TIAM1: variants seen among roughly 807,000 people sequenced by gnomAD.
TIAM1 encodes the protein rho guanine nucleotide exchange factor TIAM1.
In TIAM1, 65 loss-of-function variants were observed where a neutral mutation model predicts 163.5. The observed-to-expected ratio is 0.40, with a 90% CI of 0.33 to 0.49. The LOEUF (loss-of-function observed/expected upper bound fraction) is 0.49. Ranked by LOEUF, TIAM1 falls within the 20% of genes least tolerant of loss-of-function variation. TIAM1 has a pLI of 0.77. For missense variants in TIAM1, 1,789 were observed against 2,044.7 expected, an observed-to-expected ratio of 0.87 and a Z score of 2.41; for synonymous variants, 833 against 810.1, an observed-to-expected ratio of 1.03 and a Z score of -0.48.
intron 4 of TIAM1, among the ~76,000 whole-genome samples, chr21:31,265,201 CTT>C (rs781091105): frequency 5.6e-3 from 619 of 109,904 alleles, no homozygotes; most frequent in East Asian, 0.021. Flanking sequence ...CTTTCAAAAT[CTT>C]TTTTTTTTTT....
intron 2 of TIAM1, among the ~76,000 whole-genome samples, chr21:31,420,285 CA>C (rs2043520317): frequency 6.6e-6 from 1 of 152,108 alleles, no homozygotes. Context: ...GCTCATAGCC[CA>C]GGACAGCCAC....
At chr21:31,419,578 A>G (rs2043493069) in intron 2 of TIAM1, among the ~76,000 whole-genome samples, 1 of 152,236 alleles carries the variant, frequency 6.6e-6, no homozygotes, top group Non-Finnish European at 1.5e-5. Flanking sequence ...AATAATATGC[A>G]TTAGATGCGT....
At chr21:31,131,018 TGTG>T in intron 23 of TIAM1, 70 bp from the exon 24 acceptor site, 1 of 1,348,446 alleles carries the variant, frequency 7.4e-7, no homozygotes, top group Non-Finnish European at 1.1e-6. Context: ...ATCACCAACT[TGTG>T]GTAATAAACA....
chr21:31,487,414 A>G (rs2046307495), intron 1 of TIAM1, among the ~76,000 whole-genome samples: 2 of 152,188 alleles, frequency 1.3e-5, no homozygotes, highest in African/African-American at 4.8e-5. Context: ...TCTGTCGCCC[A>G]GGCTGAAGTG....
intron 1 of TIAM1, among the ~76,000 whole-genome samples, chr21:31,530,873 T>C (rs1401228932): frequency 6.6e-6 from 1 of 151,908 alleles, no homozygotes; most frequent in Non-Finnish European, 1.5e-5. Context: ...CATTCCTGAG[T>C]AATAAATTTA....
At chr21:31,152,874 C>T in intron 18 of TIAM1, 113 bp from the exon 19 acceptor site, 1 of 1,455,632 alleles carries the variant, frequency 6.9e-7, no homozygotes, top group South Asian at 1.4e-5. Flanking sequence ...GAGAATAATC[C>T]CACTACCAGA....
chr21:31,265,603 C>T (rs2072712546), intron 4 of TIAM1, among the ~76,000 whole-genome samples: 2 of 152,002 alleles, frequency 1.3e-5, no homozygotes, highest in Admixed American at 6.6e-5. Context: ...AACCTCCTCC[C>T]ACCTGCTGCA....
At chr21:31,448,438 C>T (rs2147318450) in intron 2 of TIAM1, among the ~76,000 whole-genome samples, 1 of 152,122 alleles carries the variant, frequency 6.6e-6, no homozygotes, top group Admixed American at 6.5e-5. Context: ...AACCCCATCT[C>T]TATTAAAATA....
chr21:31,336,185 G>A (rs1214771292), intron 2 of TIAM1, among the ~76,000 whole-genome samples: 2 of 152,234 alleles, frequency 1.3e-5, no homozygotes, highest in African/African-American at 4.8e-5. Flanking sequence ...AAGACTCAGC[G>A]CACTGACTCT....
chr21:31,246,531 A>G (rs1441996533), intron 5 of TIAM1, among the ~76,000 whole-genome samples: 1 of 152,050 alleles, frequency 6.6e-6, no homozygotes, highest in Non-Finnish European at 1.5e-5. Context: ...CTCAACTTCA[A>G]CATAAGCTGT....
intron 2 of TIAM1, among the ~76,000 whole-genome samples, chr21:31,380,419 G>A (rs767162077): frequency 1.3e-5 from 2 of 152,030 alleles, no homozygotes; most frequent in African/African-American, 4.8e-5. Flanking sequence ...GGCACATGCC[G>A]GTAATCTCAG....
intron 1 of TIAM1, among the ~76,000 whole-genome samples, chr21:31,540,558 C>T (rs903915515): frequency 1.3e-5 from 2 of 152,284 alleles, no homozygotes; most frequent in Middle Eastern, 3.4e-3. Context: ...GGGCAACATA[C>T]GGGGACCCCC....
chr21:31,229,744 C>T (rs1418458213), intron 6 of TIAM1, among the ~76,000 whole-genome samples: 2 of 152,056 alleles, frequency 1.3e-5, no homozygotes, highest in Admixed American at 6.5e-5. Flanking sequence ...CCTCCGCCTC[C>T]CAAGTTCAAG....
At chr21:31,285,212 T>G (rs75234525) in intron 2 of TIAM1, among the ~76,000 whole-genome samples, 14,174 of 152,088 alleles carry the variant, frequency 0.093, 1,667 homozygotes, top group African/African-American at 0.28. Context: ...TCCCAACCCA[T>G]AGCTGCCTTC....
chr21:31,127,230 G>T, intron 25 of TIAM1, 78 bp from the exon 26 acceptor site: 1 of 1,326,826 alleles, frequency 7.5e-7, no homozygotes, highest in Non-Finnish European at 1.1e-6. Context: ...GCATTTTTCA[G>T]CTGTGATAGA....
intron 2 of TIAM1, among the ~76,000 whole-genome samples, chr21:31,330,678 T>C (rs1451118221): frequency 1.3e-5 from 2 of 152,216 alleles, no homozygotes; most frequent in African/African-American, 4.8e-5. Context: ...CCTCAAGTGA[T>C]CTACCTGCCT....
At chr21:31,145,997 T>G (rs527683450) in intron 20 of TIAM1, among the ~76,000 whole-genome samples, 1 of 152,158 alleles carries the variant, frequency 6.6e-6, no homozygotes, top group Non-Finnish European at 1.5e-5. Context: ...GACTTAGTTA[T>G]GAAGTGTGGT....
chr21:31,277,410 C>T (rs1228840302), intron 2 of TIAM1, among the ~76,000 whole-genome samples: 1 of 152,200 alleles, frequency 6.6e-6, no homozygotes. Context: ...CTTTGGGAGG[C>T]CAAGGCAGGC....
intron 16 of TIAM1, among the ~76,000 whole-genome samples, chr21:31,161,138 T>A (rs2083902490): frequency 6.6e-6 from 1 of 151,902 alleles, no homozygotes; most frequent in African/African-American, 2.4e-5. Context: ...CAGACATTTC[T>A]GAGACAAAAA....
Sources: allele counts gnomAD v4.1 joint callset (sites outside exome capture counted in the v4.1 genomes callset), GRCh38; gene constraint gnomAD v4.1.1; transcripts MANE v1.5; gene names NCBI Gene and HGNC (gene_info 2026-07-23, HGNC 2026-07-21).